The following DNAH11 variants were observed in gnomAD, a reference collection of about 807,000 sequenced individuals.
DNAH11 encodes the protein dynein axonemal heavy chain 11.
Under a neutral mutation model 526.0 loss-of-function variants are expected in DNAH11, and 442 were observed. That is an observed-to-expected ratio of 0.84 (90% CI 0.78 to 0.91). The LOEUF is 0.91. Among genes scored for constraint, DNAH11 ranks in the 40% least tolerant of loss-of-function variants. The pLI is 0.00. For synonymous variants in DNAH11, 2,461 were observed against 1,935.9 expected (o/e 1.27, Z -7.12); for missense variants, 6,989 against 5,448.7 (o/e 1.28, Z -8.90).
At chr7:21,811,968 A>G (rs921632806) in intron 63 of DNAH11, among the ~76,000 whole-genome samples, 2 of 152,158 alleles carry the variant, frequency 1.3e-5, no homozygotes, top group Non-Finnish European at 2.9e-5. Context: ...ACATATCACC[A>G]TCATGGGGGG....
chr7:21,817,694 TA>T (rs1789861580), intron 64 of DNAH11, among the ~76,000 whole-genome samples: 1 of 151,770 alleles, frequency 6.6e-6, no homozygotes, highest in African/African-American at 2.4e-5. Flanking sequence ...CCACCATCTC[TA>T]TTTTTTTTTG....
chr7:21,779,244 T>C, intron 57 of DNAH11, 140 bp downstream of exon 57: 1 of 1,051,884 alleles, frequency 9.5e-7, no homozygotes, highest in African/African-American at 1.6e-5. Context: ...GTAACAGCAT[T>C]TCACACCGTG....
chr7:21,762,677 A>G (rs767548907), intron 54 of DNAH11, among the ~76,000 whole-genome samples: 4 of 152,264 alleles, frequency 2.6e-5, no homozygotes, highest in South Asian at 2.1e-4. Flanking sequence ...TACTCAGCTT[A>G]TGCAACATTA....
chr7:21,891,346 T>C (rs1172371657), intron 76 of DNAH11, among the ~76,000 whole-genome samples: 1 of 152,150 alleles, frequency 6.6e-6, no homozygotes, highest in East Asian at 1.9e-4. Flanking sequence ...AAAAATAACA[T>C]TCCTCTGTAC....
intron 54 of DNAH11, among the ~76,000 whole-genome samples, chr7:21,761,693 A>G (rs1273092957): frequency 6.6e-6 from 1 of 152,162 alleles, no homozygotes; most frequent in South Asian, 2.1e-4. Context: ...ACTGGTCTCC[A>G]TGCCACCCTC....
At chr7:21,740,976 T>TTTCC (rs1251624732) in intron 48 of DNAH11, among the ~76,000 whole-genome samples, 23 of 152,182 alleles carry the variant, frequency 1.5e-4, no homozygotes, top group Non-Finnish European at 2.6e-4. Context: ...TTCCTAATGA[T>TTTCC]TAGTGATGTT....
chr7:21,572,385 G>T (rs1554312579), intron 8 of DNAH11, among the ~76,000 whole-genome samples: 1 of 152,124 alleles, frequency 6.6e-6, no homozygotes, highest in Non-Finnish European at 1.5e-5. Flanking sequence ...TCATTTACAT[G>T]TTGGTTGTTT....
At chr7:21,682,630 A>C (rs570153839) in intron 31 of DNAH11, among the ~76,000 whole-genome samples, 58 of 151,322 alleles carry the variant, frequency 3.8e-4, no homozygotes, top group Non-Finnish European at 7.7e-4. Context: ...ATATATTCCT[A>C]TTTACAAAAG....
chr7:21,850,486 G>T (rs891655605), intron 66 of DNAH11, among the ~76,000 whole-genome samples: 2 of 151,624 alleles, frequency 1.3e-5, no homozygotes, highest in African/African-American at 2.4e-5. Flanking sequence ...GGTCTTGCAT[G>T]GTGTTCACTT....
chr7:21,615,183 G>A lies in DNAH11; in HGVS notation c.3922G>A (p.Val1308Met). ...QMQESTRLFE[V>M]ALPEYKQMKQ... ...GCAAGAATCTACTCGTCTTTTTGAA[G>A]TGGCTCTTCCAGAGTACAAACAAAT... is the stretch of plus-strand genomic sequence containing the variant. Residue 1308 changes from valine to methionine, a missense_variant, in exon 21 of 82, where the codon GTG becomes ATG. By Grantham distance (21) the Val-to-Met change is conservative (BLOSUM62 1). Transcript: ENST00000409508. 6.2e-7 allele frequency: 1 copy of A among 1,613,232 alleles called. No individual in the cohort carries two copies. Among genetic ancestry groups the A allele is most frequent in the Non-Finnish European group, 8.5e-7 (1 of 1,179,528 alleles).
chr7:21,662,593 C>G (rs967949805), intron 30 of DNAH11, among the ~76,000 whole-genome samples: 2 of 151,888 alleles, frequency 1.3e-5, no homozygotes, highest in African/African-American at 4.8e-5. Context: ...TTTGCGTTAC[C>G]TCACTTTTTT....
intron 56 of DNAH11, among the ~76,000 whole-genome samples, chr7:21,774,783 G>C (rs897368243): frequency 6.6e-6 from 1 of 152,180 alleles, no homozygotes; most frequent in African/African-American, 2.4e-5. Flanking sequence ...TGGAATGAGA[G>C]ACTCTGAAGA....
intron 30 of DNAH11, among the ~76,000 whole-genome samples, chr7:21,677,240 G>C (rs1206242210): frequency 7.3e-6 from 1 of 136,362 alleles, no homozygotes; most frequent in Non-Finnish European, 1.5e-5. Context: ...TTAAAGATCT[G>C]TGGCAACCCT....
intron 35 of DNAH11, among the ~76,000 whole-genome samples, chr7:21,695,202 C>T (rs1783799212): frequency 1.3e-5 from 2 of 152,186 alleles, no homozygotes; most frequent in Admixed American, 1.3e-4. Flanking sequence ...CTATTCCCAT[C>T]AAGCTACCAT....
At position 21,784,519 on chromosome 7, in the gene DNAH11, T is replaced by G. The variant is rs766295022; in HGVS notation, c.9576T>G (p.Ala3192=). Residue 3192 remains alanine, a synonymous_variant, in exon 58 of 82, where the codon GCT becomes GCG. Transcript: ENST00000409508. The part of the protein sequence containing the change: ...KAEPALVAAT[A]ALNTLNRVNL... ...AGCCTGCACTGGTGGCTGCTACAGC[T>G]GCACTCAATACACTCAACAGGGTAA... The G allele has an allele frequency of 4.5e-5, 73 of 1,611,966 alleles. No homozygotes were observed. The Admixed American group carries it at 6.4e-4, about 14-fold the overall frequency.
chr7:21,588,698 A>C, intron 11 of DNAH11, 62 bp downstream of exon 11: 1 of 1,566,108 alleles, frequency 6.4e-7, no homozygotes, highest in Non-Finnish European at 8.8e-7. Context: ...ATTTTATATA[A>C]GAGAGTGAGC....
chr7:21,553,828 T>G (rs1783113916), intron 2 of DNAH11, among the ~76,000 whole-genome samples: 1 of 152,174 alleles, frequency 6.6e-6, no homozygotes, highest in Admixed American at 6.5e-5. Flanking sequence ...TATGCTTTTC[T>G]TCCTCTCTCC....
chr7:21,733,643 C>T (rs1307267367), intron 45 of DNAH11, among the ~76,000 whole-genome samples: 6 of 152,194 alleles, frequency 3.9e-5, no homozygotes, highest in Non-Finnish European at 7.3e-5. Flanking sequence ...GGAGTTTGTA[C>T]TCTTTCTTTC....
rs1281674504 is a variant in DNAH11, at chr7:21,861,988, G to T, written c.11338G>T (p.Asp3780Tyr). The T allele has an allele frequency of 1.2e-6, 2 of 1,613,406 alleles. No individual in the cohort carries two copies. The highest frequency in any genetic ancestry group is 2.2e-5 in the East Asian group (1 of 44,854). Residue 3780 changes from aspartate (D) to tyrosine (Y), a missense_variant, in exon 69 of 82, where the codon GAC becomes TAC. By Grantham distance (160) the Asp-to-Tyr change is radical. Transcript: ENST00000409508. ...CACCAGCCAGGCGCTGTTTGAGAAG[G>T]ACAAGCTCACCTTCCTGTCCCAGAT... ...LYTSQALFEK[D>Y]KLTFLSQMAF... is the part of the protein sequence containing the mutation.
Sources: allele counts gnomAD v4.1 joint callset (sites outside exome capture counted in the v4.1 genomes callset), GRCh38; gene constraint gnomAD v4.1.1; transcripts MANE v1.5; gene names NCBI Gene and HGNC (gene_info 2026-07-23, HGNC 2026-07-21).